ADNP: variants seen among roughly 807,000 people sequenced by gnomAD.
ADNP encodes activity dependent neuroprotector homeobox, also known as activity-dependent neuroprotector homeobox protein.
A neutral mutation model predicts 84.9 loss-of-function variants in ADNP; 4 were observed. The observed-to-expected ratio is 0.05, with a 90% CI of 0.02 to 0.11. The LOEUF (loss-of-function observed/expected upper bound fraction) is 0.11, where lower values mean the gene tolerates loss of function less well. ADNP is among the 10% of genes least tolerant of loss of function. ADNP has a pLI of 1.00. For synonymous variants in ADNP, 554 were observed against 468.1 expected (o/e 1.18, Z -2.37); for missense variants, 1,132 against 1,326.0 (o/e 0.85, Z 2.27).
intron 5 of ADNP, among the ~76,000 whole-genome samples, chr20:50,898,699 T>C (rs904509207): frequency 6.6e-6 from 1 of 152,170 alleles, no homozygotes; most frequent in Non-Finnish European, 1.5e-5. Context: ...TTTTGTATGC[T>C]TAGGGGCCAT....
At position 50,913,250 on chromosome 20, in the gene ADNP, C is replaced by CAAAAAAAAAAAAAAAAAAAAA. The variant is rs56911332; in HGVS notation, c.-89-8422_-89-8402dup. Among the ~76,000 whole-genome samples the CAAAAAAAAAAAAAAAAAAAAA allele has an allele frequency of 3.0e-4, 13 of 42,896 alleles. 2 individuals are homozygous for CAAAAAAAAAAAAAAAAAAAAA. Among genetic ancestry groups the CAAAAAAAAAAAAAAAAAAAAA allele is most frequent in the African/African-American group, 4.8e-4 (6 of 12,494 alleles). 28.1% of individuals were successfully genotyped at this position (42,896 alleles called of 152,430 possible). On this transcript the variant is annotated intron_variant, in intron 2 of 5. Coordinates refer to ENST00000621696, the MANE Select transcript of ADNP (RefSeq NM_001282531.3). The stretch of plus-strand genomic sequence containing the variant: ...CCTGGGCAAGAGTGAGACTCTGTCT[C>CAAAAAAAAAAAAAAAAAAAAA]AAAAAAAAAAAAAAAAAAAAAAAAA...
At chr20:50,894,575 G>A (rs1296525127) in intron 5 of ADNP, 63 bp from the exon 6 acceptor site, 2 of 1,497,484 alleles carry the variant, frequency 1.3e-6, no homozygotes, top group African/African-American at 2.8e-5. Flanking sequence ...ACAGATTCCA[G>A]ATCCCCCCCG....
chr20:50,914,776 C>T lies in ADNP; in HGVS notation c.-89-9927G>A, dbSNP rs1168150300. Among the ~76,000 whole-genome samples the T allele has an allele frequency of 3.9e-5, 6 of 152,288 alleles. 1 individual carries two copies. Among genetic ancestry groups the T allele is most frequent in the Admixed American group, 3.9e-4 (6 of 15,280 alleles). On this transcript the variant is annotated intron_variant, in intron 2 of 5. Transcript: ENST00000621696. ...CTGCTAGATGGTTCTAGGTGGACTC[C>T]GTGATGTTCCTCCATACAGTTAAAC...
intron 2 of ADNP, chr20:50,913,940 G>C: frequency 1.5e-6 from 1 of 684,646 alleles, no homozygotes; most frequent in Admixed American, 2.2e-5. Context: ...AAGACTATGC[G>C]AGATTGGTCT....
At chr20:50,902,377 G>C (rs1157377127) in intron 4 of ADNP, among the ~76,000 whole-genome samples, 1 of 152,100 alleles carries the variant, frequency 6.6e-6, no homozygotes, top group Non-Finnish European at 1.5e-5. Context: ...AAAAAATTCA[G>C]CCACACACTA....
intron 3 of ADNP, 193 bp from the exon 4 acceptor site, chr20:50,904,194 T>TC: frequency 1.8e-6 from 1 of 567,880 alleles, no homozygotes; most frequent in South Asian, 2.1e-5. Context: ...CATCCATCCA[T>TC]CCTTCCTTCC....
chr20:50,929,410 T>A (rs573487293), intron 1 of ADNP, among the ~76,000 whole-genome samples: 64 of 152,336 alleles, frequency 4.2e-4, no homozygotes, highest in African/African-American at 1.5e-3. Flanking sequence ...TGCTCTTGAC[T>A]CACTTAATCC....
chr20:50,924,448 C>T (rs1166850589), intron 2 of ADNP, among the ~76,000 whole-genome samples: 4 of 152,182 alleles, frequency 2.6e-5, no homozygotes, highest in Non-Finnish European at 4.4e-5. Context: ...ATTAGCCAAA[C>T]AGCTTACAAG....
chr20:50,895,162 G>A (rs945655198), intron 5 of ADNP, among the ~76,000 whole-genome samples: 4 of 152,194 alleles, frequency 2.6e-5, no homozygotes, highest in African/African-American at 9.7e-5. Flanking sequence ...TTACTATACA[G>A]TCATGTGTTG....
chr20:50,909,685 C>G (rs922555601), intron 2 of ADNP: 1 of 152,344 alleles, frequency 6.6e-6, no homozygotes, highest in Admixed American at 6.5e-5. Flanking sequence ...TTTTTGCCTG[C>G]CCAGCCTCCT....
intron 2 of ADNP, among the ~76,000 whole-genome samples, chr20:50,916,578 G>A (rs866839171): frequency 2.0e-5 from 3 of 152,094 alleles, no homozygotes; most frequent in African/African-American, 4.8e-5. Flanking sequence ...ACTGTTATTC[G>A]GATGTGACAT....
At chr20:50,901,738 A>G (rs1982005534) in intron 5 of ADNP, among the ~76,000 whole-genome samples, 1 of 152,238 alleles carries the variant, frequency 6.6e-6, no homozygotes, top group Non-Finnish European at 1.5e-5. Context: ...AAATAGAGCC[A>G]GAGCACTTTT....
At chr20:50,909,747 G>A (rs1250846702) in intron 2 of ADNP, 2 of 152,220 alleles carry the variant, frequency 1.3e-5, no homozygotes, top group Non-Finnish European at 2.9e-5. Context: ...CACTTTTCCA[G>A]CAGAGCAGAG....
chr20:50,893,639 T>C lies in ADNP; in HGVS notation c.1075A>G (p.Ile359Val), dbSNP rs78300927. The change falls in exon 6 of 6, where the codon ATT becomes GTT. Residue 359 changes from isoleucine to valine, a missense_variant. Transcript: ENST00000621696. The surrounding 1 kb of genome is among the most constrained non-coding windows in gnomAD (Gnocchi z 4.4). The stretch of plus-strand genomic sequence containing the variant: ...TTTACAGACTGAGATTGTTGAGGAA[T>C]GGAAACTGGTGCGTTGCCACCTAGA... ...LGLGGNAPVS[I>V]PQQSQSVKQL... is the part of the protein sequence containing the mutation. The C allele has an allele frequency of 9.3e-4, 1,507 of 1,614,172 alleles. 14 individuals are homozygous for C. In the African/African-American group the frequency reaches 0.018, roughly 19 times the overall value.
chr20:50,916,841 T>C (rs1052704126), intron 2 of ADNP, among the ~76,000 whole-genome samples: 3 of 152,210 alleles, frequency 2.0e-5, no homozygotes, highest in Non-Finnish European at 4.4e-5. Context: ...ACAAGCATTC[T>C]GTTTCTGAAA....
intron 2 of ADNP, among the ~76,000 whole-genome samples, chr20:50,919,190 A>T (rs1248455591): frequency 2.0e-5 from 3 of 151,852 alleles, no homozygotes; most frequent in Non-Finnish European, 4.4e-5. Flanking sequence ...GCCATCTCAC[A>T]GGTGTAGCTC....
At chr20:50,904,909 C>T (rs1443131165) in intron 2 of ADNP, 60 bp from the exon 3 acceptor site, 3 of 152,056 alleles carry the variant, frequency 2.0e-5, no homozygotes, top group African/African-American at 4.8e-5. Flanking sequence ...TCTGTATACT[C>T]CCCAAACTAA....
chr20:50,903,767 G>A lies in ADNP; in HGVS notation c.108+122C>T, dbSNP rs1982215313. The A allele has an allele frequency of 4.2e-6, 3 of 715,194 alleles. No individual in the cohort carries two copies. The East Asian group carries it at 8.2e-5, about 20-fold the overall frequency. 44.3% of individuals were successfully genotyped at this position (715,194 alleles called of 1,614,324 possible). ...TTAATGCTATTGAGAATGTTTTCGT[G>A]AAGCTACTGCTGTGGCTGAAATTCA... On this transcript the variant is annotated intron_variant, in intron 4 of 5. Coordinates refer to ENST00000621696, the MANE Select transcript of ADNP (RefSeq NM_001282531.3).
chr20:50,903,320 A>T (rs1383994852), intron 4 of ADNP, among the ~76,000 whole-genome samples: 22 of 152,224 alleles, frequency 1.4e-4, no homozygotes. Context: ...CTTGAAAAAC[A>T]GTTCATAAAG....
Sources: gnomAD v4.1 joint callset for allele counts (sites outside exome capture counted in the v4.1 genomes callset) on GRCh38, gnomAD v4.1.1 for gene constraint, Gnocchi (gnomAD v3.1) non-coding constraint, MANE v1.5 for transcripts, NCBI Gene and HGNC (gene_info 2026-07-23, HGNC 2026-07-21) for gene names.